Variants in POFUT3 observed in about 807,000 individuals in gnomAD.
The protein encoded by POFUT3 is GDP-fucose protein O-fucosyltransferase 3.
At chr8:33,383,077 T>C in the POFUT3 span, among the ~76,000 whole-genome samples, 17 of 152,116 alleles carry the variant, frequency 1.1e-4, no homozygotes, top group Non-Finnish European at 2.1e-4. Flanking sequence ...CTGGAAGGAA[T>C]GATTCCGAGT....
At chr8:33,431,512 G>T in the POFUT3 span, among the ~76,000 whole-genome samples, 2 of 113,946 alleles carry the variant, frequency 1.8e-5, no homozygotes, top group Non-Finnish European at 1.7e-5. Flanking sequence ...TGAGCCCCTG[G>T]ACTCCAGCCT....
At chr8:33,469,687 G>C in the POFUT3 span, among the ~76,000 whole-genome samples, 29 of 152,050 alleles carry the variant, frequency 1.9e-4, no homozygotes, top group African/African-American at 6.0e-4. Flanking sequence ...ACAAGAAAGA[G>C]TATTCAGTGG....
chr8:33,329,599 T>C, the POFUT3 span, among the ~76,000 whole-genome samples: 1 of 152,194 alleles, frequency 6.6e-6, no homozygotes, highest in African/African-American at 2.4e-5. Flanking sequence ...ATAATGTGAC[T>C]TGGAGTCCCC....
chr8:33,322,945 T>TC, the POFUT3 span, among the ~76,000 whole-genome samples: 2 of 150,528 alleles, frequency 1.3e-5, no homozygotes, highest in South Asian at 4.2e-4. Context: ...AAGTGGAGCT[T>TC]TTTTTTTTTC....
the POFUT3 span, among the ~76,000 whole-genome samples, chr8:33,377,808 G>A: frequency 1.3e-5 from 2 of 152,278 alleles, no homozygotes; most frequent in African/African-American, 2.4e-5. Flanking sequence ...CAAAGAGAAC[G>A]TGGTTCCTAG....
chr8:33,382,553 C>T, the POFUT3 span, among the ~76,000 whole-genome samples: 2 of 152,282 alleles, frequency 1.3e-5, no homozygotes, highest in Admixed American at 6.5e-5. Flanking sequence ...AGCAACTCAA[C>T]GTTCACTGCA....
the POFUT3 span, among the ~76,000 whole-genome samples, chr8:33,319,594 T>A: frequency 2.8e-4 from 20 of 71,140 alleles, 1 homozygote; most frequent in African/African-American, 1.2e-3. Context: ...AATATATATT[T>A]TATATGTATT....
At chr8:33,377,680 T>C in the POFUT3 span, 1 of 152,250 alleles carries the variant, frequency 6.6e-6, no homozygotes, top group Non-Finnish European at 1.5e-5. Flanking sequence ...GAAGTGTGTC[T>C]GATGAAGTAG....
the POFUT3 span, among the ~76,000 whole-genome samples, chr8:33,321,896 C>A: frequency 6.6e-6 from 1 of 152,092 alleles, no homozygotes; most frequent in Admixed American, 6.6e-5. Flanking sequence ...ATAATAAGCA[C>A]CCATATCACA....
chr8:33,388,149 T>A, the POFUT3 span, among the ~76,000 whole-genome samples: 2 of 152,186 alleles, frequency 1.3e-5, no homozygotes, highest in African/African-American at 2.4e-5. Flanking sequence ...TCTATATTAA[T>A]AAGCACATGT....
chr8:33,423,792 G>A, the POFUT3 span, among the ~76,000 whole-genome samples: 2 of 120,476 alleles, frequency 1.7e-5, no homozygotes, highest in Non-Finnish European at 3.2e-5. Flanking sequence ...ACTGAGAAGG[G>A]TCTATTTCTC....
chr8:33,436,289 A>G, the POFUT3 span: 1 of 1,349,950 alleles, frequency 7.4e-7, no homozygotes, highest in Non-Finnish European at 1.1e-6. Context: ...TCCCACTGTG[A>G]AACTCTGTGT....
At chr8:33,368,995 A>G in the POFUT3 span, among the ~76,000 whole-genome samples, 1 of 152,184 alleles carries the variant, frequency 6.6e-6, no homozygotes, top group African/African-American at 2.4e-5. Context: ...CCTATCAGCA[A>G]TGGCGCCTAG....
the POFUT3 span, among the ~76,000 whole-genome samples, chr8:33,376,659 T>G: frequency 5.5e-4 from 83 of 152,066 alleles, 1 homozygote; most frequent in Non-Finnish European, 5.9e-5. Flanking sequence ...AGAAGCAGAG[T>G]GCAAATTGAA....
chr8:33,398,794 A>G, the POFUT3 span, among the ~76,000 whole-genome samples: 132 of 152,196 alleles, frequency 8.7e-4, no homozygotes, highest in Non-Finnish European at 1.5e-3. Context: ...TCAGATATAG[A>G]TCTCATCTGT....
chr8:33,372,289 A>G, the POFUT3 span: 6 of 1,147,522 alleles, frequency 5.2e-6, no homozygotes, highest in South Asian at 1.1e-4. Context: ...TACTCACTCT[A>G]GGTGAATTTC....
At chr8:33,399,023 CT>C in the POFUT3 span, among the ~76,000 whole-genome samples, 1 of 141,202 alleles carries the variant, frequency 7.1e-6, no homozygotes, top group African/African-American at 2.9e-5. Flanking sequence ...AAAAGAAGGG[CT>C]TTTTCTAGTT....
At chr8:33,470,655 GA>G in the POFUT3 span, among the ~76,000 whole-genome samples, 1 of 151,910 alleles carries the variant, frequency 6.6e-6, no homozygotes, top group Non-Finnish European at 1.5e-5. Context: ...CTCATCTCTA[GA>G]AAAAATATAA....
At chr8:33,375,242 G>A in the POFUT3 span, among the ~76,000 whole-genome samples, 4 of 152,104 alleles carry the variant, frequency 2.6e-5, no homozygotes, top group South Asian at 4.2e-4. Flanking sequence ...CTCAGGAAGC[G>A]ACTGGAGAGT....
Sources: allele counts gnomAD v4.1 joint callset (sites outside exome capture counted in the v4.1 genomes callset), GRCh38; gene constraint gnomAD v4.1.1; transcripts MANE v1.5; gene names NCBI Gene and HGNC (gene_info 2026-07-23, HGNC 2026-07-21).